The following HLCS variants were observed in gnomAD, a reference collection of about 807,000 sequenced individuals.
HLCS encodes the protein biotin--protein ligase.
HLCS carries 53 observed loss-of-function variants against 75.0 expected under a neutral mutation model. That is an observed-to-expected ratio of 0.71 (90% CI 0.57 to 0.89). The LOEUF (loss-of-function observed/expected upper bound fraction) is 0.89. HLCS is among the 40% of genes least tolerant of loss of function. The probability of loss-of-function intolerance (pLI) is 0.00; values close to 1 mark genes in which losing one functional copy is unlikely to be tolerated. For synonymous variants in HLCS, 431 were observed against 428.6 expected, an observed-to-expected ratio of 1.01 and a Z score of -0.07; for missense variants, 966 against 1,074.0, an observed-to-expected ratio of 0.90 and a Z score of 1.41.
chr21:36,793,293 G>GTTTTTTTTT (rs1569018321), intron 6 of HLCS, among the ~76,000 whole-genome samples: 7 of 108,496 alleles, frequency 6.5e-5, no homozygotes, highest in African/African-American at 9.8e-5. Context: ...GCAGGAAGCA[G>GTTTTTTTTT]TCTTTTTTTT....
intron 6 of HLCS, among the ~76,000 whole-genome samples, chr21:36,814,973 G>C (rs2061617118): frequency 6.6e-6 from 1 of 152,036 alleles, no homozygotes; most frequent in African/African-American, 2.4e-5. Flanking sequence ...AAGGCCATGT[G>C]AGTGTGTGGA....
At chr21:36,897,594 T>C (rs2065064296) in intron 5 of HLCS, among the ~76,000 whole-genome samples, 2 of 152,150 alleles carry the variant, frequency 1.3e-5, no homozygotes, top group Non-Finnish European at 2.9e-5. Context: ...ACAAGAACAC[T>C]CGGTCTCAGC....
chr21:36,932,115 G>A (rs1169006612), intron 4 of HLCS, among the ~76,000 whole-genome samples: 1 of 152,104 alleles, frequency 6.6e-6, no homozygotes, highest in Non-Finnish European at 1.5e-5. Context: ...CCAGCCACGC[G>A]GCCACCCACC....
At chr21:36,892,679 C>T (rs2064841991) in intron 6 of HLCS, among the ~76,000 whole-genome samples, 1 of 152,170 alleles carries the variant, frequency 6.6e-6, no homozygotes, top group African/African-American at 2.4e-5. Flanking sequence ...CTGGCTGTTC[C>T]CCACTGTGTC....
chr21:36,944,464 AAAAC>A (rs2067290137), intron 2 of HLCS, among the ~76,000 whole-genome samples: 1 of 152,244 alleles, frequency 6.6e-6, no homozygotes. Context: ...TAAATTCATC[AAAAC>A]ACACAGAACT....
At chr21:36,772,415 TCACTTGAGC>T (rs1275192142) in intron 6 of HLCS, among the ~76,000 whole-genome samples, 4 of 151,862 alleles carry the variant, frequency 2.6e-5, no homozygotes, top group African/African-American at 9.7e-5. Context: ...GGTGGGTGGA[TCACTTGAGC>T]CCAGGAGTTC....
At chr21:36,978,347 A>C (rs1049481996) in intron 1 of HLCS, among the ~76,000 whole-genome samples, 2 of 151,700 alleles carry the variant, frequency 1.3e-5, no homozygotes, top group Admixed American at 1.3e-4. Context: ...AATACAAAAA[A>C]TTAGCCAGGC....
At chr21:36,884,659 T>C (rs899470676) in intron 6 of HLCS, among the ~76,000 whole-genome samples, 4 of 152,246 alleles carry the variant, frequency 2.6e-5, no homozygotes, top group Non-Finnish European at 5.9e-5. Context: ...ACCCTCTTTA[T>C]TGATTATCTT....
At chr21:36,866,193 C>T (rs951187693) in intron 6 of HLCS, among the ~76,000 whole-genome samples, 10 of 134,612 alleles carry the variant, frequency 7.4e-5, no homozygotes, top group Admixed American at 7.3e-4. Flanking sequence ...ATGTATGTTT[C>T]GGGGCAGAGG....
At chr21:36,761,352 G>A (rs762657557) in intron 8 of HLCS, among the ~76,000 whole-genome samples, 22 of 152,262 alleles carry the variant, frequency 1.4e-4, no homozygotes, top group Middle Eastern at 3.4e-3. Flanking sequence ...ACTTCGGCCC[G>A]TTAGAGCATA....
Position 36,764,953 on chromosome 21 carries a change from G to A in HLCS, c.2121+59C>T. 3.8e-6 allele frequency: 6 copies of A among 1,562,090 alleles called. No homozygotes were observed. The South Asian group carries it at 6.7e-5, about 17-fold the overall frequency. On this transcript the variant is annotated intron_variant, in intron 8 of 10. Coordinates refer to ENST00000674895, the MANE Select transcript of HLCS (RefSeq NM_001352514.2). ...TTATGCAAGCACATGCTATAAACAA[G>A]AATAAGCCAGATTCTGCATGCATCC...
At chr21:36,915,267 G>A (rs1487814840) in intron 5 of HLCS, among the ~76,000 whole-genome samples, 1 of 152,188 alleles carries the variant, frequency 6.6e-6, no homozygotes, top group Admixed American at 6.5e-5. Context: ...ATCTCTCTCT[G>A]GTAAAACGGA....
chr21:36,979,097 G>C (rs140134844), intron 1 of HLCS, among the ~76,000 whole-genome samples: 2 of 151,784 alleles, frequency 1.3e-5, no homozygotes, highest in South Asian at 4.2e-4. Flanking sequence ...GTGAAACCCC[G>C]TCTCTACTAA....
At chr21:36,896,795 G>T in intron 6 of HLCS, 65 bp downstream of exon 6, 1 of 1,559,570 alleles carries the variant, frequency 6.4e-7, no homozygotes, top group Non-Finnish European at 8.8e-7. Flanking sequence ...CCCGTCTATT[G>T]GTAAGAGAGG....
intron 5 of HLCS, among the ~76,000 whole-genome samples, chr21:36,897,621 T>A (rs991695827): frequency 6.6e-6 from 1 of 152,148 alleles, no homozygotes; most frequent in Non-Finnish European, 1.5e-5. Flanking sequence ...TCTTAGAGAA[T>A]CTCCGCTTCC....
At chr21:36,913,060 C>T (rs979174872) in intron 5 of HLCS, among the ~76,000 whole-genome samples, 1 of 152,202 alleles carries the variant, frequency 6.6e-6, no homozygotes, top group African/African-American at 2.4e-5. Context: ...CTGCTGGGTG[C>T]TGTGGACCCA....
At chr21:36,861,590 T>C (rs546838543) in intron 6 of HLCS, among the ~76,000 whole-genome samples, 3 of 152,322 alleles carry the variant, frequency 2.0e-5, no homozygotes, top group Admixed American at 6.5e-5. Context: ...TTCCCCTCTT[T>C]GTGCTCATTG....
intron 1 of HLCS, among the ~76,000 whole-genome samples, chr21:36,982,273 C>A (rs768079847): frequency 4.6e-5 from 7 of 152,180 alleles, no homozygotes; most frequent in Non-Finnish European, 8.8e-5. Context: ...GGGGTTATCT[C>A]CAGTTTGTTT....
chr21:36,776,111 T>C (rs1382958306), intron 6 of HLCS, among the ~76,000 whole-genome samples: 1 of 152,200 alleles, frequency 6.6e-6, no homozygotes, highest in Admixed American at 6.5e-5. Flanking sequence ...TATAATACTT[T>C]TTTCTTTTTA....
Sources: gnomAD v4.1 joint callset for allele counts (sites outside exome capture counted in the v4.1 genomes callset) on GRCh38, gnomAD v4.1.1 for gene constraint, MANE v1.5 for transcripts, NCBI Gene and HGNC (gene_info 2026-07-23, HGNC 2026-07-21) for gene names.